The following NUB1 variants were observed in gnomAD, a reference collection of about 807,000 sequenced individuals.
The protein encoded by NUB1 is NEDD8 ultimate buster 1.
Under a neutral mutation model 77.1 loss-of-function variants are expected in NUB1, and 41 were observed. That is an observed-to-expected ratio of 0.53 (90% CI 0.41 to 0.69). The LOEUF is 0.69. NUB1 is among the 30% of genes least tolerant of loss of function. The probability of loss-of-function intolerance (pLI) is 0.00; values close to 1 mark genes in which losing one functional copy is unlikely to be tolerated. For missense variants in NUB1, 643 were observed against 743.8 expected (o/e 0.86, Z 1.58); for synonymous variants, 257 against 281.0 (o/e 0.91, Z 0.85).
chr7:151,344,829 G>A (rs1424647589), intron 1 of NUB1, among the ~76,000 whole-genome samples: 7 of 151,952 alleles, frequency 4.6e-5, no homozygotes, highest in Non-Finnish European at 8.8e-5. Context: ...GCGAAACCCC[G>A]TCTCTACTAA....
chr7:151,353,030 G>A (rs1741390553), intron 5 of NUB1, 148 bp downstream of exon 5: 3 of 571,884 alleles, frequency 5.2e-6, no homozygotes, highest in East Asian at 3.1e-5. Context: ...AAATAAAAAT[G>A]TAAAGCAGAA....
chr7:151,363,612 CTA>C lies in NUB1; in HGVS notation c.801-3324_801-3323del, dbSNP rs529511860. Among the ~76,000 whole-genome samples the C allele has an allele frequency of 1.5e-3, 225 of 152,060 alleles. 2 individuals carry two copies. The highest frequency in any genetic ancestry group is 0.01 in the Middle Eastern group (3 of 294). ...TTAATTTTTCCCAGTTTGATGAAAA[CTA>C]TAAACCCCCAGATGCAATGACTTTA... is the stretch of plus-strand genomic sequence containing the variant. On this transcript the variant is annotated intron_variant, in intron 8 of 14. Coordinates refer to ENST00000568733, the MANE Select transcript of NUB1 (RefSeq NM_001243351.2).
rs866013061 is a variant in NUB1 at position 151,344,954 on chromosome 7, C to A, written c.-2-394C>A. Among the ~76,000 whole-genome samples the A allele has an allele frequency of 7.2e-5, 11 of 152,022 alleles. 1 individual carries two copies. Among genetic ancestry groups the A allele is most frequent in the Admixed American group, 5.9e-4 (9 of 15,276 alleles). ...GGCGGAGCTTGCAGTGAGCCGAGAT[C>A]GCACCACTGCACTCCAGCCTGGGCG... On this transcript the variant is annotated intron_variant, in intron 1 of 14. Coordinates refer to ENST00000568733, the MANE Select transcript of NUB1 (RefSeq NM_001243351.2).
chr7:151,356,031 C>T, intron 6 of NUB1, 81 bp downstream of exon 6: 1 of 1,544,712 alleles, frequency 6.5e-7, no homozygotes, highest in Non-Finnish European at 8.9e-7. Context: ...TCATGGCTCT[C>T]ACTGAGTCTC....
At chr7:151,352,927 A>C in intron 5 of NUB1, 45 bp downstream of exon 5, 1 of 1,015,890 alleles carries the variant, frequency 9.8e-7, no homozygotes, top group Non-Finnish European at 1.5e-6. Flanking sequence ...AACCAAATAT[A>C]GAAATAATGA....
At position 151,349,059 on chromosome 7, in the gene NUB1, A is replaced by G. The variant is rs1434231489; in HGVS notation, c.118-14A>G. ...TTTTAAGTCAGTATTGCATTTTCTG[A>G]TTTTTCTTGATAGGACCTTGCTAAG... is the stretch of plus-strand genomic sequence containing the variant. On this transcript the variant is annotated splice_polypyrimidine_tract_variant and intron_variant, in intron 2 of 14. Transcript: ENST00000568733. 2.5e-6 allele frequency: 4 copies of G among 1,583,746 alleles called. No homozygotes were observed. Among genetic ancestry groups the G allele is most frequent in the Non-Finnish European group, 3.4e-6 (4 of 1,170,216 alleles).
In NUB1 at chr7:151,376,614, A is replaced by G. The variant is rs776086533; in HGVS notation, c.1492-20A>G. 9 of 1,581,880 alleles carry G rather than the reference A, an allele frequency of 5.7e-6. No homozygotes were observed. The African/African-American group carries it at 1.2e-4, about 21-fold the overall frequency. Reference sequence around the variant, plus strand: ...AGAGGCGCCAGGGGCTGATGCTGTGACCCCTGCGCTCTCCCCTAGTTGGTG... The same window carrying G: ...AGAGGCGCCAGGGGCTGATGCTGTGGCCCCTGCGCTCTCCCCTAGTTGGTG... On this transcript the variant is annotated intron_variant, in intron 13 of 14. Coordinates refer to ENST00000568733, the MANE Select transcript of NUB1 (RefSeq NM_001243351.2).
At chr7:151,356,469 T>G (rs1030039586) in intron 7 of NUB1, among the ~76,000 whole-genome samples, 1 of 152,216 alleles carries the variant, frequency 6.6e-6, no homozygotes, top group Admixed American at 6.5e-5. Context: ...TCAACATACC[T>G]GAGGACACGA....
At chr7:151,372,316 G>T (rs908371244) in intron 11 of NUB1, among the ~76,000 whole-genome samples, 8 of 152,186 alleles carry the variant, frequency 5.3e-5, no homozygotes, top group Non-Finnish European at 7.3e-5. Flanking sequence ...AGAAAATAAT[G>T]TTCTCACATG....
At chr7:151,365,418 T>C (rs890462835) in intron 8 of NUB1, among the ~76,000 whole-genome samples, 13 of 152,158 alleles carry the variant, frequency 8.5e-5, no homozygotes, top group African/African-American at 3.1e-4. Flanking sequence ...AGGCCATTTC[T>C]GCCCACGCTC....
intron 11 of NUB1, among the ~76,000 whole-genome samples, chr7:151,370,309 G>A (rs1030221698): frequency 8.6e-5 from 13 of 151,908 alleles, no homozygotes; most frequent in African/African-American, 2.7e-4. Context: ...GGCTGGTCTC[G>A]AACTCCTGAC....
At position 151,368,859 on chromosome 7, in the gene NUB1, C is replaced by T. The variant is rs751672594; in HGVS notation, c.1220C>T (p.Ala407Val). The change falls in exon 11 of 15, where the codon GCG (alanine) becomes GTG (valine). Residue 407 changes from alanine to valine, a missense_variant. Transcript: ENST00000568733. ...GCGTGTGATGGGAACGTGGATCATG[C>T]GGCCACTCATATTACCAACCGCAGA... is the stretch of plus-strand genomic sequence containing the variant. ...LRACDGNVDH[A>V]ATHITNRREE... 26 of 1,613,542 alleles carry T rather than the reference C, an allele frequency of 1.6e-5. No individual in the cohort carries two copies. The highest frequency in any genetic ancestry group is 4.5e-5 in the East Asian group (2 of 44,856).
chr7:151,356,387 A>G (rs529357207), intron 7 of NUB1, among the ~76,000 whole-genome samples, 165 bp downstream of exon 7: 10 of 152,326 alleles, frequency 6.6e-5, no homozygotes, highest in South Asian at 2.1e-4. Flanking sequence ...CTGGCATCCA[A>G]TGGGCCTCAC....
intron 8 of NUB1, among the ~76,000 whole-genome samples, chr7:151,363,268 AT>A (rs1394572360): frequency 6.6e-6 from 1 of 152,226 alleles, no homozygotes; most frequent in African/African-American, 2.4e-5. Flanking sequence ...ACAACTGAAC[AT>A]GTCAGATAAA....
intron 2 of NUB1, among the ~76,000 whole-genome samples, chr7:151,347,490 A>G (rs10263820): frequency 6.6e-6 from 1 of 151,938 alleles, no homozygotes; most frequent in South Asian, 2.1e-4. Flanking sequence ...CAAGGTCTTG[A>G]TCTGTTGCCC....
chr7:151,355,756 T>C lies in NUB1; in HGVS notation c.416-12T>C, dbSNP rs756654420. The C allele has an allele frequency of 6.4e-6, 10 of 1,565,396 alleles. No homozygotes were observed. Among genetic ancestry groups the C allele is most frequent in the Non-Finnish European group, 8.6e-6 (10 of 1,156,680 alleles). Reference sequence around the variant, plus strand: ...GGCTTTTTAAAATAATAGGCAGTTCTGATTTTTATAGGGAAAACCCTTGAA... The same window carrying C: ...GGCTTTTTAAAATAATAGGCAGTTCCGATTTTTATAGGGAAAACCCTTGAA... On this transcript the variant is annotated splice_polypyrimidine_tract_variant and intron_variant, in intron 5 of 14. Transcript: ENST00000568733.
rs1797719900 is a variant in NUB1, at chr7:151,366,965, C to G, written c.827C>G (p.Thr276Arg). 1 of 1,612,640 alleles carries G rather than the reference C, an allele frequency of 6.2e-7. No individual in the cohort carries two copies. The highest frequency in any genetic ancestry group is 8.5e-7 in the Non-Finnish European group (1 of 1,179,208). The change falls in exon 9 of 15, where the codon ACA becomes AGA. Residue 276 changes from threonine to arginine, a missense_variant. Thr to Arg is a moderately conservative substitution (Grantham distance 71). Coordinates refer to ENST00000568733, the MANE Select transcript of NUB1 (RefSeq NM_001243351.2). Reference sequence around the variant, plus strand: ...GAGTGTTGCAGAGAGCTGCTGGACACAGTGGATAACTACGCCGTCCTCCAG... The same window carrying G: ...GAGTGTTGCAGAGAGCTGCTGGACAGAGTGGATAACTACGCCGTCCTCCAG... ...FCECCRELLDTVDNYAVLQLD... is the reference protein window; with the variant it reads ...FCECCRELLDRVDNYAVLQLD...
At chr7:151,348,903 C>G (rs400256) in intron 2 of NUB1, among the ~76,000 whole-genome samples, 170 bp from the exon 3 acceptor site, 130,957 of 152,192 alleles carry the variant, frequency 0.86, 56,509 homozygotes, top group East Asian at 0.99. Context: ...TTTTTCCTGG[C>G]CTCTCTAAAC....
At position 151,345,293 on chromosome 7, in the gene NUB1, A is replaced by C. The variant is rs926531188; in HGVS notation, c.-2-55A>C. The C allele has an allele frequency of 4.9e-5, 55 of 1,127,870 alleles. 1 individual carries two copies. The highest frequency in any genetic ancestry group is 7.1e-5 in the Non-Finnish European group (54 of 756,434). The allele number at this position is 1,127,870 out of a possible 1,614,324, so 69.9% of individuals were successfully genotyped here. A position where few individuals can be genotyped will look rare whatever the true frequency, so the allele number is the denominator to read the frequency against. On this transcript the variant is annotated intron_variant, in intron 1 of 14. Coordinates refer to ENST00000568733, the MANE Select transcript of NUB1 (RefSeq NM_001243351.2). ...AAGCACCTTAACATGTAGGTAAGTT[A>C]TTAACATTTTAAAATGCGATGTGGA... is the stretch of plus-strand genomic sequence containing the variant.
Sources: gnomAD v4.1 joint callset for allele counts (sites outside exome capture counted in the v4.1 genomes callset) on GRCh38, gnomAD v4.1.1 for gene constraint, MANE v1.5 for transcripts, NCBI Gene and HGNC (gene_info 2026-07-23, HGNC 2026-07-21) for gene names.